Variants in NCAPG2 observed in about 807,000 individuals in gnomAD.
NCAPG2 encodes the protein non-SMC condensin II complex subunit G2.
Under a neutral mutation model 141.1 loss-of-function variants are expected in NCAPG2, and 53 were observed. That is an observed-to-expected ratio of 0.38 (90% CI 0.30 to 0.47). NCAPG2 has a LOEUF of 0.47. Ranked by LOEUF, NCAPG2 falls within the 20% of genes least tolerant of loss-of-function variation. The pLI is 0.99. For missense variants in NCAPG2, 1,087 were observed against 1,389.0 expected (o/e 0.78, Z 3.46); for synonymous variants, 499 against 490.7 (o/e 1.02, Z -0.22).
chr7:158,666,495 C>T (rs1832947226), intron 13 of NCAPG2, among the ~76,000 whole-genome samples: 1 of 151,792 alleles, frequency 6.6e-6, no homozygotes, highest in Non-Finnish European at 1.5e-5. Flanking sequence ...AGTATTCCCA[C>T]TTTAAAGGTA....
intron 25 of NCAPG2, among the ~76,000 whole-genome samples, chr7:158,646,224 T>C (rs954198368): frequency 2.0e-5 from 3 of 152,246 alleles, no homozygotes; most frequent in Non-Finnish European, 2.9e-5. Flanking sequence ...GAAGCATAAC[T>C]AACCAGAGAC....
intron 12 of NCAPG2, 122 bp from the exon 13 acceptor site, chr7:158,671,788 A>AT: frequency 9.2e-7 from 1 of 1,090,410 alleles, no homozygotes. Flanking sequence ...AGTGAAATAA[A>AT]TATACCTATG....
chr7:158,680,366 TTG>T (rs1434534978), intron 10 of NCAPG2, among the ~76,000 whole-genome samples: 6 of 152,192 alleles, frequency 3.9e-5, no homozygotes, highest in African/African-American at 1.4e-4. Context: ...CTGAAAGTTA[TTG>T]TGTGTTTGTT....
chr7:158,699,136 A>G lies in NCAPG2; in HGVS notation c.78+2686T>C, dbSNP rs139927406. On this transcript the variant is annotated intron_variant, in intron 2 of 27. Coordinates refer to ENST00000356309, the MANE Select transcript of NCAPG2 (RefSeq NM_017760.7). ...GTCTTGTTTTTCTTCCTCTACCACTAGAACATAAACCCCCATTTGTGCAGA... is the reference window on the plus strand; with the variant it reads ...GTCTTGTTTTTCTTCCTCTACCACTGGAACATAAACCCCCATTTGTGCAGA... Among the ~76,000 whole-genome samples the G allele has an allele frequency of 6.3e-3, 966 of 152,208 alleles. 11 individuals are homozygous for G. The highest frequency in any genetic ancestry group is 0.022 in the African/African-American group (894 of 41,530).
At chr7:158,649,521 CA>C (rs966832850) in intron 24 of NCAPG2, among the ~76,000 whole-genome samples, 15 of 152,136 alleles carry the variant, frequency 9.9e-5, no homozygotes, top group African/African-American at 3.1e-4. Context: ...ACAGGTCAAA[CA>C]TTTTTTTTAT....
chr7:158,697,469 C>T (rs778256644), intron 2 of NCAPG2, among the ~76,000 whole-genome samples: 66 of 152,060 alleles, frequency 4.3e-4, no homozygotes, highest in Non-Finnish European at 8.8e-4. Flanking sequence ...GGTGTGGTGG[C>T]GTGTGCCTGT....
Position 158,651,014 on chromosome 7 carries a change from A to G in NCAPG2, c.2935-42T>C, listed in dbSNP as rs763571572. 2.0e-6 allele frequency: 3 copies of G among 1,525,658 alleles called. No individual in the cohort carries two copies. The East Asian group carries it at 7.2e-5, about 37-fold the overall frequency. 94.5% of individuals were successfully genotyped at this position (1,525,658 alleles called of 1,614,324 possible). ...ACGTCACTTTTAATGACTAAAAACC[A>G]TGGTTTTGAAAAAAACAAAAAAACA... On this transcript the variant is annotated intron_variant, in intron 23 of 27. Transcript: ENST00000356309.
At chr7:158,685,746 AG>A (rs1447221494) in intron 8 of NCAPG2, among the ~76,000 whole-genome samples, 1 of 152,248 alleles carries the variant, frequency 6.6e-6, no homozygotes, top group African/African-American at 2.4e-5. Context: ...AAACCCACAA[AG>A]GGCCAACTAC....
chr7:158,637,159 G>A (rs1166788002), intron 27 of NCAPG2, among the ~76,000 whole-genome samples: 2 of 152,098 alleles, frequency 1.3e-5, no homozygotes, highest in African/African-American at 2.4e-5. Context: ...GTGTTAGCCA[G>A]GATGGTCTCG....
intron 27 of NCAPG2, among the ~76,000 whole-genome samples, chr7:158,634,683 A>G (rs1358545998): frequency 1.3e-5 from 2 of 152,214 alleles, no homozygotes; most frequent in African/African-American, 2.4e-5. Flanking sequence ...CAAACTGCCC[A>G]TGACCACTCA....
chr7:158,668,124 C>T (rs865854266), intron 13 of NCAPG2: 1 of 103,960 alleles, frequency 9.6e-6, no homozygotes. Flanking sequence ...TGGGTCCCTC[C>T]GCCCTCCTTA....
intron 8 of NCAPG2, among the ~76,000 whole-genome samples, chr7:158,685,480 A>G (rs1284218310): frequency 1.3e-5 from 2 of 152,230 alleles, no homozygotes; most frequent in Non-Finnish European, 1.5e-5. Flanking sequence ...CCTCCCTCAG[A>G]GACCAGAATC....
Position 158,689,929 on chromosome 7 carries a change from G to T in NCAPG2, c.562C>A (p.Arg188Ser). ...AAGCAATATAAAGCTTGATGGATACGCCAAAGCCGACATACGTCTGCACCC... is the reference window on the plus strand; with the variant it reads ...AAGCAATATAAAGCTTGATGGATACTCCAAAGCCGACATACGTCTGCACCC... ...KTGADVCRLWRIHQALYCFDY... is the reference protein window; with the variant it reads ...KTGADVCRLWSIHQALYCFDY... Residue 188 changes from arginine (R) to serine (S), a missense_variant, in exon 6 of 28, where the codon CGT becomes AGT. Physicochemically the swap from Arg to Ser is moderately radical, Grantham distance 110 (BLOSUM62 -1). Coordinates refer to ENST00000356309, the MANE Select transcript of NCAPG2 (RefSeq NM_017760.7). 1.3e-6 allele frequency: 2 copies of T among 1,593,394 alleles called. No individual in the cohort carries two copies. Among genetic ancestry groups the T allele is most frequent in the South Asian group, 2.3e-5 (2 of 86,224 alleles).
intron 11 of NCAPG2, 136 bp downstream of exon 11, chr7:158,679,824 C>G: frequency 1.7e-6 from 2 of 1,175,590 alleles, no homozygotes; most frequent in Non-Finnish European, 1.2e-6. Flanking sequence ...GAAGAACAGT[C>G]CAGGTTTAGA....
chr7:158,651,601 A>G (rs1429899084), intron 23 of NCAPG2, among the ~76,000 whole-genome samples: 2 of 152,224 alleles, frequency 1.3e-5, no homozygotes, highest in African/African-American at 4.8e-5. Context: ...AGAAAAAGTA[A>G]TGGCTCTCTC....
At chr7:158,690,525 T>C (rs376502551) in intron 5 of NCAPG2, 43 bp downstream of exon 5, 39 of 1,581,740 alleles carry the variant, frequency 2.5e-5, no homozygotes, top group African/African-American at 8.1e-5. Context: ...ATCTGGGCAA[T>C]AGAGAGAGAC....
At chr7:158,641,635 A>G in intron 27 of NCAPG2, 1 of 462,332 alleles carries the variant, frequency 2.2e-6, no homozygotes, top group Non-Finnish European at 3.8e-6. Flanking sequence ...GAGTAGTAGT[A>G]TTAATTTCAG....
At chr7:158,672,225 G>C (rs1016562300) in intron 12 of NCAPG2, among the ~76,000 whole-genome samples, 1 of 143,996 alleles carries the variant, frequency 6.9e-6, no homozygotes, top group African/African-American at 2.6e-5. Flanking sequence ...AGTTTCAGGA[G>C]AAAGGACATT....
At chr7:158,666,047 C>G (rs1020855225) in intron 13 of NCAPG2, among the ~76,000 whole-genome samples, 6 of 152,302 alleles carry the variant, frequency 3.9e-5, no homozygotes, top group African/African-American at 1.4e-4. Context: ...GGACAGTGGA[C>G]AGGGCCAAGG....
Sources: gnomAD v4.1 joint callset for allele counts (sites outside exome capture counted in the v4.1 genomes callset) on GRCh38, gnomAD v4.1.1 for gene constraint, MANE v1.5 for transcripts, NCBI Gene and HGNC (gene_info 2026-07-23, HGNC 2026-07-21) for gene names.